The following EIF4E variants were observed in gnomAD, a reference collection of about 807,000 sequenced individuals.
EIF4E encodes the protein eIF-4F 25 kDa subunit.
For synonymous variants in EIF4E, 71 were observed against 88.5 expected, an observed-to-expected ratio of 0.80 and a Z score of 1.11; for missense variants, 113 against 265.6, an observed-to-expected ratio of 0.43 and a Z score of 3.99.
In EIF4E at chr4:98,887,938, A is replaced by G. The variant is rs769814766; in HGVS notation, c.236T>C (p.Ile79Thr). Reference sequence around the variant, plus strand: ...AGGCATTAAATTACTAGACAACTGGATATGGTTGTACAGACTAGGTAAAAG... The same window carrying G: ...AGGCATTAAATTACTAGACAACTGGGTATGGTTGTACAGACTAGGTAAAAG... ...VEDFWALYNH[I>T]QLSSNLMPGC... The change falls in exon 4 of 7, where the codon ATC (isoleucine) becomes ACC (threonine). Residue 79 changes from isoleucine (I) to threonine (T), a missense_variant. Physicochemically the swap from Ile to Thr is moderately conservative, Grantham distance 89. Transcript: ENST00000450253. The surrounding 1 kb of genome is among the most constrained non-coding windows in gnomAD (Gnocchi z 4.0). 6.2e-7 allele frequency: 1 copy of G among 1,612,526 alleles called. No homozygotes were observed. The highest frequency in any genetic ancestry group is 8.5e-7 in the Non-Finnish European group (1 of 1,179,274).
intron 1 of EIF4E, chr4:98,926,307 C>CCAAGA (rs1725862475): frequency 6.6e-6 from 1 of 152,312 alleles, no homozygotes; most frequent in Admixed American, 6.5e-5. Flanking sequence ...CTTTGGGAGG[C>CCAAGA]CAAGACGGGC....
intron 2 of EIF4E, among the ~76,000 whole-genome samples, chr4:98,901,388 G>A (rs559306567): frequency 7.3e-4 from 111 of 152,112 alleles, no homozygotes; most frequent in African/African-American, 2.4e-3. Flanking sequence ...TAGTAGAGAC[G>A]GGGTTTCACC....
intron 1 of EIF4E, chr4:98,909,692 G>A (rs1725025357): frequency 1.4e-6 from 1 of 710,114 alleles, no homozygotes; most frequent in Non-Finnish European, 2.6e-6. Context: ...GATTCTCGCA[G>A]ACTTTCTGCC....
At chr4:98,903,594 T>C in intron 1 of EIF4E, 2 of 406,608 alleles carry the variant, frequency 4.9e-6, no homozygotes, top group Non-Finnish European at 9.6e-6. Flanking sequence ...TCCTCCCACC[T>C]TGGCCTCCCA....
intron 1 of EIF4E, among the ~76,000 whole-genome samples, chr4:98,906,708 C>A (rs1266501374): frequency 6.6e-6 from 1 of 151,998 alleles, no homozygotes; most frequent in Non-Finnish European, 1.5e-5. Flanking sequence ...AAGACTCTGT[C>A]TCTAAAAAAT....
intron 6 of EIF4E, among the ~76,000 whole-genome samples, chr4:98,881,508 A>G (rs1344824698): frequency 6.6e-6 from 1 of 152,194 alleles, no homozygotes; most frequent in East Asian, 1.9e-4. Flanking sequence ...GAGAAAACAT[A>G]ATCAAATAAT....
At chr4:98,916,798 G>C (rs1725399272) in intron 1 of EIF4E, among the ~76,000 whole-genome samples, 1 of 152,052 alleles carries the variant, frequency 6.6e-6, no homozygotes, top group African/African-American at 2.4e-5. Context: ...TTTTTACTAT[G>C]TACTTTTTCT....
At chr4:98,899,165 T>G (rs1338028313) in intron 2 of EIF4E, among the ~76,000 whole-genome samples, 1 of 152,114 alleles carries the variant, frequency 6.6e-6, no homozygotes, top group African/African-American at 2.4e-5. Flanking sequence ...TTGGGTGAGT[T>G]AGCACTCTAA....
intron 1 of EIF4E, among the ~76,000 whole-genome samples, chr4:98,921,748 A>C (rs1195547669): frequency 6.6e-6 from 1 of 152,228 alleles, no homozygotes; most frequent in African/African-American, 2.4e-5. Flanking sequence ...TAAGGTAGTT[A>C]AGTCTAGAAT....
chr4:98,883,732 AAG>A (rs918703681), intron 6 of EIF4E, among the ~76,000 whole-genome samples: 22 of 149,270 alleles, frequency 1.5e-4, no homozygotes, highest in African/African-American at 5.7e-4. Context: ...TTGAGGTAAA[AAG>A]AAATCTTAGA....
chr4:98,909,778 A>C, intron 1 of EIF4E: 1 of 703,148 alleles, frequency 1.4e-6, no homozygotes, highest in South Asian at 1.5e-5. Flanking sequence ...CTTCTTTTTC[A>C]TGCATCACTT....
chr4:98,884,825 T>C, intron 6 of EIF4E, 97 bp downstream of exon 6: 2 of 1,482,102 alleles, frequency 1.3e-6, no homozygotes, highest in South Asian at 2.4e-5. Flanking sequence ...GAAAACAGGA[T>C]CTACAAACTG....
chr4:98,896,812 CA>C (rs1430170570), intron 2 of EIF4E, among the ~76,000 whole-genome samples: 1 of 151,210 alleles, frequency 6.6e-6, no homozygotes, highest in Non-Finnish European at 1.5e-5. Flanking sequence ...TCCAACTCTA[CA>C]AAAAATACTA....
At chr4:98,886,978 T>G in intron 5 of EIF4E, 101 bp downstream of exon 5, 3 of 1,230,048 alleles carry the variant, frequency 2.4e-6, no homozygotes, top group Non-Finnish European at 3.6e-6. Context: ...GTGTTGGGCA[T>G]CCTTCTCTTA....
At chr4:98,888,549 TTATAATCACCTAAATA>T (rs1724016718) in intron 3 of EIF4E, among the ~76,000 whole-genome samples, 3 of 152,182 alleles carry the variant, frequency 2.0e-5, no homozygotes, top group Non-Finnish European at 2.9e-5. Context: ...CATCTTGGGA[TTATAATCACCTAAATA>T]TAAGATGGAA....
At chr4:98,920,228 T>C (rs1462465257) in intron 1 of EIF4E, among the ~76,000 whole-genome samples, 3 of 152,222 alleles carry the variant, frequency 2.0e-5, no homozygotes, top group Non-Finnish European at 4.4e-5. Flanking sequence ...AATTCAATCC[T>C]TGTTGTACTT....
chr4:98,929,066 TG>T (rs779404582), intron 1 of EIF4E, 28 bp downstream of exon 1: 6 of 1,576,456 alleles, frequency 3.8e-6, no homozygotes, highest in Admixed American at 1.8e-5. Flanking sequence ...CGGGGACCCG[TG>T]GGGGTGGGGG....
At chr4:98,920,344 C>T (rs964804883) in intron 1 of EIF4E, among the ~76,000 whole-genome samples, 2 of 151,650 alleles carry the variant, frequency 1.3e-5, no homozygotes, top group African/African-American at 4.9e-5. Context: ...TCTTGTTGCC[C>T]AGGCTGGATG....
intron 1 of EIF4E, among the ~76,000 whole-genome samples, chr4:98,920,438 G>A (rs1725593768): frequency 6.6e-6 from 1 of 151,902 alleles, no homozygotes; most frequent in African/African-American, 2.4e-5. Context: ...GGGACTACAG[G>A]CACCCATGAA....
Sources: allele counts gnomAD v4.1 joint callset (sites outside exome capture counted in the v4.1 genomes callset), GRCh38; gene constraint gnomAD v4.1.1; non-coding constraint Gnocchi (gnomAD v3.1); transcripts MANE v1.5; gene names NCBI Gene and HGNC (gene_info 2026-07-23, HGNC 2026-07-21).